The following GALNT2 variants were observed in gnomAD, a reference collection of about 807,000 sequenced individuals.
The protein encoded by GALNT2 is UDP-GalNAc:polypeptide N-acetylgalactosaminyltransferase 2.
Under a neutral mutation model 81.4 loss-of-function variants are expected in GALNT2, and 31 were observed. The ratio of observed to expected loss-of-function variants is 0.38; its 90% CI spans 0.29 to 0.51. The LOEUF is 0.51. Among genes scored for constraint, GALNT2 ranks in the 20% least tolerant of loss-of-function variants. The pLI is 0.87. For missense variants in GALNT2, 629 were observed against 765.7 expected (o/e 0.82, Z 2.11); for synonymous variants, 303 against 287.4 (o/e 1.05, Z -0.55).
chr1:230,222,801 AC>A (rs1294523568), intron 3 of GALNT2, among the ~76,000 whole-genome samples: 2 of 152,098 alleles, frequency 1.3e-5, no homozygotes, highest in Non-Finnish European at 2.9e-5. Flanking sequence ...TCTCACAGCA[AC>A]CCTATGAGGC....
chr1:230,241,851 G>A (rs377534337), intron 6 of GALNT2, among the ~76,000 whole-genome samples: 1 of 152,234 alleles, frequency 6.6e-6, no homozygotes, highest in African/African-American at 2.4e-5. Flanking sequence ...TACCAAGCAT[G>A]TCACACTTGG....
chr1:230,260,076 A>G (rs1356420950), intron 11 of GALNT2, among the ~76,000 whole-genome samples: 1 of 152,188 alleles, frequency 6.6e-6, no homozygotes, highest in Admixed American at 6.5e-5. Flanking sequence ...TCATTGTTAA[A>G]TTTTTTGCAA....
At chr1:230,141,049 A>G (rs943476948) in intron 1 of GALNT2, among the ~76,000 whole-genome samples, 1 of 152,264 alleles carries the variant, frequency 6.6e-6, no homozygotes, top group Non-Finnish European at 1.5e-5. Flanking sequence ...CGAAACAAGA[A>G]TGCATAGATC....
Position 230,243,085 on chromosome 1 carries a change from G to A in GALNT2, c.608-221G>A, listed in dbSNP as rs1020686709. 3.3e-5 allele frequency among the ~76,000 whole-genome samples: 5 copies of A among 152,182 alleles called. No individual in the cohort carries two copies. Among genetic ancestry groups the A allele is most frequent in the Admixed American group, 2.6e-4 (4 of 15,278 alleles). ...CTCAGAAGACGGTAGTTCTAAGAAC[G>A]TTGTCCTCCCAGTCATCCAATATAA... is the stretch of plus-strand genomic sequence containing the variant. On this transcript the variant is annotated intron_variant, in intron 6 of 15. Transcript: ENST00000366672. This position sits in a 1 kb window ranked among gnomAD's most constrained non-coding sequence, Gnocchi z 4.2.
At chr1:230,267,017 C>CACAA (rs1491510250) in intron 14 of GALNT2, among the ~76,000 whole-genome samples, 8 of 151,494 alleles carry the variant, frequency 5.3e-5, no homozygotes, top group African/African-American at 1.7e-4. Flanking sequence ...CACACACACA[C>CACAA]AATAGCACAT....
At chr1:230,103,442 C>T (rs1398049268) in intron 1 of GALNT2, among the ~76,000 whole-genome samples, 4 of 152,224 alleles carry the variant, frequency 2.6e-5, no homozygotes, top group Admixed American at 6.5e-5. Flanking sequence ...AGCAGCCCCC[C>T]TTTTCTCCCC....
intron 1 of GALNT2, among the ~76,000 whole-genome samples, chr1:230,158,533 C>T (rs1325060136): frequency 6.6e-6 from 1 of 152,238 alleles, no homozygotes; most frequent in African/African-American, 2.4e-5. Context: ...AGCCTGGGCT[C>T]CCTCTCTTGA....
Position 230,236,089 on chromosome 1 carries a change from G to C in GALNT2, c.450G>C (p.Ser150=). 6.2e-7 allele frequency: 1 copy of C among 1,614,018 alleles called. No individual in the cohort carries two copies. The highest frequency in any genetic ancestry group is 1.3e-5 in the African/African-American group (1 of 75,016). Residue 150 remains serine (S), a synonymous_variant, in exon 4 of 16, where the codon TCG becomes TCC. Coordinates refer to ENST00000366672, the MANE Select transcript of GALNT2 (RefSeq NM_004481.5). ...VVITFHNEAR[S]ALLRTVVSVL... ...TCACGTTTCACAATGAAGCCAGGTC[G>C]GCCCTACTCAGGACCGTGGTCAGGT...
intron 6 of GALNT2, among the ~76,000 whole-genome samples, chr1:230,240,027 C>A (rs1236142648): frequency 6.6e-6 from 1 of 152,204 alleles, no homozygotes; most frequent in African/African-American, 2.4e-5. Context: ...TACACTGTTA[C>A]ATTTTTACTT....
intron 1 of GALNT2, among the ~76,000 whole-genome samples, chr1:230,117,994 C>T (rs1176414245): frequency 6.6e-6 from 1 of 152,246 alleles, no homozygotes; most frequent in Non-Finnish European, 1.5e-5. Flanking sequence ...TTGGAATTGT[C>T]TGTGTGCTCC....
chr1:230,119,409 C>T (rs548328329), intron 1 of GALNT2, among the ~76,000 whole-genome samples: 4 of 152,130 alleles, frequency 2.6e-5, no homozygotes, highest in Non-Finnish European at 5.9e-5. Context: ...GATGAGATTC[C>T]CATTTGATTT....
intron 10 of GALNT2, among the ~76,000 whole-genome samples, chr1:230,253,562 A>G (rs1425911702): frequency 6.6e-6 from 1 of 152,226 alleles, no homozygotes; most frequent in Non-Finnish European, 1.5e-5. Flanking sequence ...GTTAATTGAC[A>G]GATAATAATT....
At chr1:230,131,972 A>C (rs1300175108) in intron 1 of GALNT2, among the ~76,000 whole-genome samples, 1 of 152,146 alleles carries the variant, frequency 6.6e-6, no homozygotes, top group East Asian at 1.9e-4. Flanking sequence ...TAAGCAGCTG[A>C]CCAATCGTTA....
chr1:230,140,712 G>A (rs1216870226), intron 1 of GALNT2, among the ~76,000 whole-genome samples: 3 of 152,106 alleles, frequency 2.0e-5, no homozygotes, highest in African/African-American at 7.2e-5. Context: ...GAGATCATTC[G>A]AACCTTTCTC....
chr1:230,136,046 G>T (rs1482971310), intron 1 of GALNT2, among the ~76,000 whole-genome samples: 1 of 152,046 alleles, frequency 6.6e-6, no homozygotes, highest in African/African-American at 2.4e-5. Flanking sequence ...AGGATAAAAG[G>T]ATATATTCTG....
chr1:230,232,976 G>T (rs1411105252), intron 3 of GALNT2, among the ~76,000 whole-genome samples: 1 of 152,068 alleles, frequency 6.6e-6, no homozygotes, highest in African/African-American at 2.4e-5. Flanking sequence ...AATAAAAGAA[G>T]CCCATTTTGT....
chr1:230,276,022 G>A lies in GALNT2; in HGVS notation c.1560+1458G>A, dbSNP rs1345160651. Among the ~76,000 whole-genome samples the A allele has an allele frequency of 7.4e-5, 4 of 53,790 alleles. No individual in the cohort carries two copies. In the East Asian group the frequency reaches 2.3e-3, roughly 30 times the overall value. 35.3% of individuals were successfully genotyped at this position (53,790 alleles called of 152,430 possible). A position where few individuals can be genotyped will look rare whatever the true frequency, so the allele number is the denominator to read the frequency against. ...CACATATATATACGTATATATACAT[G>A]CCACATATATATACGTATATACATG... On this transcript the variant is annotated intron_variant, in intron 15 of 15. Coordinates refer to ENST00000366672, the MANE Select transcript of GALNT2 (RefSeq NM_004481.5).
intron 3 of GALNT2, among the ~76,000 whole-genome samples, chr1:230,210,318 C>A (rs1197717325): frequency 6.6e-6 from 1 of 152,164 alleles, no homozygotes; most frequent in Non-Finnish European, 1.5e-5. Flanking sequence ...TTGTTTTCTT[C>A]TTTCCCCTGT....
intron 11 of GALNT2, among the ~76,000 whole-genome samples, chr1:230,260,883 GTCTC>G (rs1031806681): frequency 6.6e-6 from 1 of 152,066 alleles, no homozygotes; most frequent in Non-Finnish European, 1.5e-5. Context: ...ATCTATTTCT[GTCTC>G]TCTCTCTTGT....
Sources: gnomAD v4.1 joint callset for allele counts (sites outside exome capture counted in the v4.1 genomes callset) on GRCh38, gnomAD v4.1.1 for gene constraint, Gnocchi (gnomAD v3.1) non-coding constraint, MANE v1.5 for transcripts, NCBI Gene and HGNC (gene_info 2026-07-23, HGNC 2026-07-21) for gene names.